The following MYPN variants were observed in gnomAD, a reference collection of about 807,000 sequenced individuals.
MYPN encodes sarcomeric protein myopalladin, 145 kDa (MYOP).
Under a neutral mutation model 129.4 loss-of-function variants are expected in MYPN, and 63 were observed. That is an observed-to-expected ratio of 0.49 (90% CI 0.40 to 0.60). The LOEUF is 0.60. Among genes scored for constraint, MYPN ranks in the 20% least tolerant of loss-of-function variants. The pLI is 0.00. For synonymous variants in MYPN, 629 were observed against 600.9 expected (o/e 1.05, Z -0.68); for missense variants, 1,596 against 1,635.4 (o/e 0.98, Z 0.42).
chr10:68,166,218 A>G, intron 9 of MYPN, 76 bp from the exon 10 acceptor site: 1 of 1,566,452 alleles, frequency 6.4e-7, no homozygotes. Flanking sequence ...TGGTGTGAAC[A>G]CTTTCCCATT....
chr10:68,139,868 A>G (rs1273397582), intron 2 of MYPN, among the ~76,000 whole-genome samples: 1 of 152,246 alleles, frequency 6.6e-6, no homozygotes, highest in Non-Finnish European at 1.5e-5. Context: ...TGTAGTGGTG[A>G]ATAAGACCAA....
chr10:68,196,642 C>T (rs2134286628), intron 15 of MYPN, among the ~76,000 whole-genome samples: 1 of 152,086 alleles, frequency 6.6e-6, no homozygotes, highest in East Asian at 1.9e-4. Context: ...CACCACCATG[C>T]CCAGCTAATT....
chr10:68,103,301 T>C (rs1483069664), upstream of MYPN, among the ~76,000 whole-genome samples: 1 of 152,224 alleles, frequency 6.6e-6, no homozygotes, highest in African/African-American at 2.4e-5. Flanking sequence ...TTCATTCCAT[T>C]TGGCACTTAC....
At chr10:68,173,960 C>A (rs938800932) in intron 10 of MYPN, 106 bp from the exon 11 acceptor site, 3 of 960,168 alleles carry the variant, frequency 3.1e-6, no homozygotes, top group Non-Finnish European at 5.0e-6. Flanking sequence ...AGCCACCATG[C>A]CCCGCCTATC....
intron 18 of MYPN, among the ~76,000 whole-genome samples, chr10:68,206,533 A>G (rs1465021901): frequency 6.6e-6 from 1 of 151,964 alleles, no homozygotes; most frequent in Admixed American, 6.6e-5. Flanking sequence ...GCTGGTGGGG[A>G]GCGCAACTTC....
intron 7 of MYPN, among the ~76,000 whole-genome samples, chr10:68,161,124 T>C (rs1412988516): frequency 1.3e-5 from 2 of 152,170 alleles, no homozygotes; most frequent in Non-Finnish European, 2.9e-5. Context: ...TATAACTAAC[T>C]CACAAACCTC....
intron 19 of MYPN, among the ~76,000 whole-genome samples, chr10:68,209,695 T>C (rs1459164533): frequency 2.0e-5 from 3 of 151,004 alleles, no homozygotes; most frequent in Non-Finnish European, 4.4e-5. Context: ...TTTTGTTTGT[T>C]TTTTTCTTTT....
Position 68,175,296 on chromosome 10 carries a change from T to C in MYPN, c.2565-27T>C, listed in dbSNP as rs1182990214. On this transcript the variant is annotated intron_variant, in intron 11 of 19. Transcript: ENST00000358913. ...TACCCTGGCCAGTGCTTTTCATGGG[T>C]GTGTCAGGTGTGGATTTATCTTACA... The C allele has an allele frequency of 1.9e-6, 3 of 1,613,748 alleles. No individual in the cohort carries two copies. In the South Asian group the frequency reaches 3.3e-5, roughly 18 times the overall value.
intron 11 of MYPN, 79 bp downstream of exon 11, chr10:68,174,735 G>A (rs1589588477): frequency 7.4e-7 from 1 of 1,344,802 alleles, no homozygotes; most frequent in East Asian, 2.3e-5. Context: ...ATCTGAAACA[G>A]GGCTCTCATT....
chr10:68,191,332 C>T (rs2043509109), intron 13 of MYPN, among the ~76,000 whole-genome samples: 1 of 152,020 alleles, frequency 6.6e-6, no homozygotes, highest in African/African-American at 2.4e-5. Context: ...ATTCTCCTGC[C>T]TCAGACTCCT....
Position 68,197,607 on chromosome 10 carries a change from T to C in MYPN, c.3285+129T>C, listed in dbSNP as rs1175012653. 10 of 1,125,314 alleles carry C rather than the reference T, an allele frequency of 8.9e-6. No homozygotes were observed. In the South Asian group the frequency reaches 9.7e-5, roughly 11 times the overall value. 69.7% of individuals were successfully genotyped at this position (1,125,314 alleles called of 1,614,324 possible). On this transcript the variant is annotated intron_variant, in intron 16 of 19. Transcript: ENST00000358913. ...AGATGAGATGGGGAAGGGAGACAGA[T>C]CACTTTTTTTCATCATAAGGCTTGT...
chr10:68,178,662 G>A (rs1204535748), intron 12 of MYPN, among the ~76,000 whole-genome samples: 8 of 144,888 alleles, frequency 5.5e-5, no homozygotes, highest in African/African-American at 1.0e-4. Flanking sequence ...GCAGTGAGCC[G>A]AGATCATGCC....
intron 2 of MYPN, chr10:68,135,466 C>A: frequency 2.0e-6 from 2 of 982,586 alleles, no homozygotes; most frequent in Non-Finnish European, 2.4e-6. Flanking sequence ...CAGTTGCACT[C>A]TGTATATGAA....
chr10:68,179,425 G>A (rs1452045348), intron 12 of MYPN, among the ~76,000 whole-genome samples: 1 of 152,150 alleles, frequency 6.6e-6, no homozygotes, highest in African/African-American at 2.4e-5. Context: ...CTGCATCCCT[G>A]TTGTGCATGG....
At chr10:68,128,951 G>C (rs1192770004) in intron 2 of MYPN, among the ~76,000 whole-genome samples, 2 of 151,968 alleles carry the variant, frequency 1.3e-5, no homozygotes, top group Non-Finnish European at 2.9e-5. Flanking sequence ...GAAATGGTTT[G>C]AGATAAGCAT....
At chr10:68,162,115 C>T (rs1589573696) in intron 8 of MYPN, 2 of 154,508 alleles carry the variant, frequency 1.3e-5, no homozygotes, top group East Asian at 1.8e-4. Flanking sequence ...TTGCAGTGAG[C>T]CGAGATCGTG....
intron 4 of MYPN, among the ~76,000 whole-genome samples, chr10:68,146,449 G>T (rs1025140103): frequency 1.3e-5 from 2 of 152,160 alleles, no homozygotes; most frequent in African/African-American, 4.8e-5. Flanking sequence ...AACCTAAGGG[G>T]TATGAATTTT....
chr10:68,129,480 T>G (rs2042376803), intron 2 of MYPN, among the ~76,000 whole-genome samples: 1 of 152,224 alleles, frequency 6.6e-6, no homozygotes, highest in Non-Finnish European at 1.5e-5. Flanking sequence ...GCTAGAATAA[T>G]ATATCATTGA....
chr10:68,161,937 C>A (rs1589573473), intron 8 of MYPN, 185 bp downstream of exon 8: 2 of 475,514 alleles, frequency 4.2e-6, no homozygotes, highest in Non-Finnish European at 7.5e-6. Flanking sequence ...CCGAGGCGGG[C>A]GGATTACTTG....
Sources: gnomAD v4.1 joint callset for allele counts (sites outside exome capture counted in the v4.1 genomes callset) on GRCh38, gnomAD v4.1.1 for gene constraint, MANE v1.5 for transcripts, NCBI Gene and HGNC (gene_info 2026-07-23, HGNC 2026-07-21) for gene names.